KALRN: variants seen among roughly 807,000 people sequenced by gnomAD.
The protein encoded by KALRN is kalirin RhoGEF kinase.
KALRN carries 70 observed loss-of-function variants against 353.7 expected under a neutral mutation model. The observed-to-expected ratio is 0.20, with a 90% confidence interval of 0.16 to 0.24. The LOEUF (loss-of-function observed/expected upper bound fraction) is 0.24. KALRN is among the 10% of genes least tolerant of loss of function. The pLI is 1.00. For missense variants in KALRN, 2,791 were observed against 3,756.7 expected (o/e 0.74, Z 6.72); for synonymous variants, 1,391 against 1,434.8 (o/e 0.97, Z 0.69).
intron 57 of KALRN, among the ~76,000 whole-genome samples, chr3:124,703,780 A>G (rs1293904346): frequency 6.6e-6 from 1 of 152,138 alleles, no homozygotes; most frequent in Non-Finnish European, 1.5e-5. Flanking sequence ...CAGTCTTCCA[A>G]GTAGCTGGGA....
At position 124,195,834 on chromosome 3, in the gene KALRN, C is replaced by T. The variant is rs193207582; in HGVS notation, c.74-32156C>T. Among the ~76,000 whole-genome samples the T allele has an allele frequency of 3.3e-5, 5 of 152,332 alleles. No homozygotes were observed. In the East Asian group the frequency reaches 5.8e-4, roughly 18 times the overall value. On this transcript the variant is annotated intron_variant, in intron 1 of 59. Transcript: ENST00000682506. Reference sequence around the variant, plus strand: ...TACCTGCCAGAAATCTAATTTCAGACGCTTGCATCAAACTCACCTGCACTC... The same window carrying T: ...TACCTGCCAGAAATCTAATTTCAGATGCTTGCATCAAACTCACCTGCACTC...
At chr3:124,495,992 T>TATATATACACAC (rs1561136945) in intron 32 of KALRN, among the ~76,000 whole-genome samples, 3 of 55,932 alleles carry the variant, frequency 5.4e-5, no homozygotes, top group African/African-American at 2.0e-4. Context: ...TATATATATA[T>TATATATACACAC]ATATATATAT....
intron 10 of KALRN, among the ~76,000 whole-genome samples, chr3:124,380,272 A>G (rs1333224575): frequency 6.6e-6 from 1 of 152,246 alleles, no homozygotes; most frequent in Non-Finnish European, 1.5e-5. Flanking sequence ...TTCAGAGACA[A>G]ATTATCCTAG....
intron 19 of KALRN, among the ~76,000 whole-genome samples, chr3:124,444,863 G>A (rs1355509918): frequency 6.6e-6 from 1 of 151,608 alleles, no homozygotes; most frequent in African/African-American, 2.4e-5. Flanking sequence ...AAAGCACTTA[G>A]CCTAAAAGAT....
chr3:124,041,300 G>A (rs1345787369), intron 1 of KALRN, among the ~76,000 whole-genome samples: 2 of 151,968 alleles, frequency 1.3e-5, no homozygotes, highest in Non-Finnish European at 2.9e-5. Context: ...ATAGCCCCCC[G>A]CCCCAACCCT....
chr3:124,504,434 A>G (rs2064981218), intron 33 of KALRN, among the ~76,000 whole-genome samples: 1 of 152,188 alleles, frequency 6.6e-6, no homozygotes, highest in African/African-American at 2.4e-5. Flanking sequence ...GTTCAGCTTG[A>G]TCCTTGCAAC....
intron 10 of KALRN, 168 bp from the exon 11 acceptor site, chr3:124,384,677 G>A (rs2087924296): frequency 3.6e-6 from 2 of 560,710 alleles, no homozygotes; most frequent in Non-Finnish European, 3.1e-6. Flanking sequence ...CAGGCTGCTC[G>A]CTTGCTGAGA....
intron 22 of KALRN, among the ~76,000 whole-genome samples, chr3:124,455,724 AT>A (rs2059246860): frequency 1.3e-5 from 2 of 152,194 alleles, no homozygotes; most frequent in Admixed American, 1.3e-4. Context: ...TCAGCAAATG[AT>A]TAGAGTCCCC....
At chr3:124,263,480 G>A (rs953211464) in intron 3 of KALRN, among the ~76,000 whole-genome samples, 9 of 152,184 alleles carry the variant, frequency 5.9e-5, no homozygotes, top group Admixed American at 4.6e-4. Context: ...GGAAGGCTGA[G>A]GCAGGGGGAT....
intron 51 of KALRN, among the ~76,000 whole-genome samples, chr3:124,682,640 C>G (rs528372974): frequency 6.6e-6 from 1 of 152,160 alleles, no homozygotes; most frequent in Non-Finnish European, 1.5e-5. Context: ...TTCCTGGGGT[C>G]TTTACTTACA....
intron 1 of KALRN, among the ~76,000 whole-genome samples, chr3:124,161,696 C>T (rs752950782): frequency 3.3e-5 from 5 of 152,210 alleles, no homozygotes; most frequent in African/African-American, 4.8e-5. Context: ...ATTTGCATAT[C>T]TCCCAGATCA....
chr3:124,139,528 G>A (rs2066357649), intron 1 of KALRN, among the ~76,000 whole-genome samples: 1 of 152,174 alleles, frequency 6.6e-6, no homozygotes, highest in African/African-American at 2.4e-5. Flanking sequence ...GCTGAGAACT[G>A]CTGGGCAGCA....
chr3:124,122,765 C>T (rs1417512574), intron 1 of KALRN, among the ~76,000 whole-genome samples: 1 of 152,068 alleles, frequency 6.6e-6, no homozygotes, highest in Non-Finnish European at 1.5e-5. Context: ...CTCTTTATTC[C>T]CTGAGACGCA....
rs1173239874 is a variant in KALRN, at chr3:124,050,713, C to G, written c.73+16900C>G. Among the ~76,000 whole-genome samples the G allele has an allele frequency of 2.6e-5, 4 of 152,256 alleles. No homozygotes were observed. In the East Asian group the frequency reaches 7.7e-4, roughly 29 times the overall value. On this transcript the variant is annotated intron_variant, in intron 1 of 59. Coordinates refer to ENST00000682506, the MANE Select transcript of KALRN (RefSeq NM_001388419.1). ...CCCTCTTTCCTTATGGCAGGGATCT[C>G]CCCTATGTCATATCCTTAGTACTGT...
chr3:124,462,507 C>A lies in KALRN; in HGVS notation c.3922-17C>A. The stretch of plus-strand genomic sequence containing the variant: ...CCTGCCAGACTTGCCAGTGATGAAA[C>A]TGTTACTGTCTTACAGACCTACCTG... On this transcript the variant is annotated splice_polypyrimidine_tract_variant and intron_variant, in intron 24 of 59. Coordinates refer to ENST00000682506, the MANE Select transcript of KALRN (RefSeq NM_001388419.1). The A allele has an allele frequency of 6.9e-7, 1 of 1,456,646 alleles. No homozygotes were observed. Among genetic ancestry groups the A allele is most frequent in the Non-Finnish European group, 9.6e-7 (1 of 1,039,216 alleles). The allele number at this position is 1,456,646 out of a possible 1,614,324, so 90.2% of individuals were successfully genotyped here.
intron 3 of KALRN, among the ~76,000 whole-genome samples, chr3:124,254,375 A>C (rs756534495): frequency 6.0e-5 from 9 of 150,934 alleles, no homozygotes; most frequent in Non-Finnish European, 1.2e-4. Context: ...TAGCAAGAAG[A>C]AGCATGAATG....
chr3:124,138,226 A>T (rs2066172754), intron 1 of KALRN, among the ~76,000 whole-genome samples: 1 of 152,084 alleles, frequency 6.6e-6, no homozygotes, highest in African/African-American at 2.4e-5. Flanking sequence ...AGAACTGCAA[A>T]ATCCTCTCTC....
intron 14 of KALRN, 119 bp from the exon 15 acceptor site, chr3:124,422,693 G>T: frequency 1.3e-6 from 1 of 774,938 alleles, no homozygotes. Flanking sequence ...AATATTTAGG[G>T]TTTGGGAGGG....
At chr3:124,542,676 T>C (rs188889315) in intron 33 of KALRN, among the ~76,000 whole-genome samples, 5 of 152,282 alleles carry the variant, frequency 3.3e-5, no homozygotes, top group Admixed American at 6.5e-5. Flanking sequence ...GTTGTTAGCA[T>C]TGGCATTCCT....
Sources: allele counts gnomAD v4.1 joint callset (sites outside exome capture counted in the v4.1 genomes callset), GRCh38; gene constraint gnomAD v4.1.1; transcripts MANE v1.5; gene names NCBI Gene and HGNC (gene_info 2026-07-23, HGNC 2026-07-21).